The following EPHA2 variants were observed in gnomAD, a reference collection of about 807,000 sequenced individuals.
EPHA2 encodes the protein ephrin type-A receptor 2.
In EPHA2, 54 loss-of-function variants were observed where a neutral mutation model predicts 104.9. That is an observed-to-expected ratio of 0.51 (90% CI 0.41 to 0.65). The LOEUF is 0.65. EPHA2 is among the 30% of genes least tolerant of loss of function. EPHA2 has a pLI of 0.00. For synonymous variants in EPHA2, 560 were observed against 559.1 expected, an observed-to-expected ratio of 1.00 and a Z score of -0.02; for missense variants, 1,117 against 1,369.5, an observed-to-expected ratio of 0.82 and a Z score of 2.91.
At chr1:16,143,621 T>A (rs1365253349) in intron 3 of EPHA2, among the ~76,000 whole-genome samples, 1 of 152,026 alleles carries the variant, frequency 6.6e-6, no homozygotes, top group Non-Finnish European at 1.5e-5. Context: ...GTGACGCAAG[T>A]CCAGCCCCCA....
intron 16 of EPHA2, among the ~76,000 whole-genome samples, chr1:16,127,291 A>G (rs994450193): frequency 2.0e-5 from 3 of 152,120 alleles, no homozygotes; most frequent in Non-Finnish European, 4.4e-5. Context: ...CAGGATGCAA[A>G]TGCTGTAGTC....
chr1:16,133,511 A>AGGAT lies in EPHA2; in HGVS notation c.1830_1833dup (p.Cys612IlefsTer83), dbSNP rs773731561. On this transcript the variant is annotated frameshift_variant, in exon 10 of 17. Transcript: ENST00000358432. LOFTEE classifies it high-confidence loss of function. ...CCGATCACCTTCTGCCGAGTGACAC[A>AGGAT]GGATGGATGGATCTCGGTAGTGAAC... 2 of 1,614,112 alleles carry AGGAT rather than the reference A, an allele frequency of 1.2e-6. No homozygotes were observed. Among genetic ancestry groups the AGGAT allele is most frequent in the Non-Finnish European group, 1.7e-6 (2 of 1,179,982 alleles).
In EPHA2 at chr1:16,126,740, C is replaced by T. The variant is rs142249588; in HGVS notation, c.2826-1420G>A. On this transcript the variant is annotated intron_variant, in intron 16 of 16. Transcript: ENST00000358432. ...CCCAGATTCACTCGATTTGCAGTTC[C>T]GCAGGTGGGGCAAGGAGTCTGCATT... Among the ~76,000 whole-genome samples the T allele has an allele frequency of 4.9e-3, 751 of 152,264 alleles. 3 individuals carry two copies. The highest frequency in any genetic ancestry group is 7.0e-3 in the Non-Finnish European group (475 of 68,020).
intron 1 of EPHA2, 189 bp downstream of exon 1, chr1:16,155,659 C>T (rs1049616555): frequency 6.7e-6 from 3 of 451,080 alleles, no homozygotes; most frequent in Non-Finnish European, 1.1e-5. Context: ...CGCTTATTCT[C>T]CGGAGCCCCT....
chr1:16,130,359 T>C lies in EPHA2; in HGVS notation c.2536A>G (p.Ile846Val). The change falls in exon 15 of 17, where the codon ATC becomes GTC. Residue 846 changes from isoleucine to valine, a missense_variant. This residue lies in a region of EPHA2 where 340 missense variants were observed against 480.5 expected (regional missense o/e 0.71). Transcript: ENST00000358432. This position sits in a 1 kb window ranked among gnomAD's most constrained non-coding sequence, Gnocchi z 4.5. ...LPTPMDCPSA[I>V]YQLMMQCWQQ... is the part of the protein sequence containing the mutation. ...CAGCACTGCATCATGAGCTGGTAGA[T>C]GGCGGAGGGGCAGTCCATGGGTGTG... 8 of 1,582,716 alleles carry C rather than the reference T, an allele frequency of 5.1e-6. No individual in the cohort carries two copies. The highest frequency in any genetic ancestry group is 1.7e-5 in the Admixed American group (1 of 58,290).
chr1:16,149,243 C>A (rs557269054), intron 2 of EPHA2, among the ~76,000 whole-genome samples, 196 bp from the exon 3 acceptor site: 1 of 152,248 alleles, frequency 6.6e-6, no homozygotes, highest in East Asian at 1.9e-4. Context: ...GTCTTTCTGG[C>A]ACATGTCTGG....
chr1:16,125,577 T>TC lies in EPHA2; in HGVS notation c.2826-258dup, dbSNP rs1214462183. ...TTAGGAAAACGACAGAAGCCTCAAC[T>TC]CTGTACGATGCTTTAAAAAAATAAA... On this transcript the variant is annotated intron_variant, in intron 16 of 16. Coordinates refer to ENST00000358432, the MANE Select transcript of EPHA2 (RefSeq NM_004431.5). The surrounding 1 kb of genome is among the most constrained non-coding windows in gnomAD (Gnocchi z 4.9). Among the ~76,000 whole-genome samples, 1 of 152,076 alleles carries TC rather than the reference T, an allele frequency of 6.6e-6. No individual in the cohort carries two copies. The highest frequency in any genetic ancestry group is 1.5e-5 in the Non-Finnish European group (1 of 68,008).
chr1:16,151,533 T>C (rs1231289435), intron 1 of EPHA2, among the ~76,000 whole-genome samples: 1 of 151,758 alleles, frequency 6.6e-6, no homozygotes. Context: ...AAGAAGAGAG[T>C]GCTGTGAACA....
intron 16 of EPHA2, 22 bp downstream of exon 16, chr1:16,129,412 G>C (rs1339600015): frequency 1.9e-6 from 3 of 1,609,192 alleles, no homozygotes; most frequent in East Asian, 4.5e-5. Flanking sequence ...GGCGAGGGGG[G>C]ACGGAAAGGG....
chr1:16,138,452 G>C (rs767105253), intron 3 of EPHA2, 22 bp from the exon 4 acceptor site: 1 of 1,613,166 alleles, frequency 6.2e-7, no homozygotes, highest in South Asian at 1.1e-5. Context: ...AGGACAGACA[G>C]AGCACAAGGA....
rs2124226866 is a variant in EPHA2 at position 16,138,058 on chromosome 1, G to A, written c.1107C>T (p.Cys369=). The A allele has an allele frequency of 6.2e-7, 1 of 1,612,906 alleles. No homozygotes were observed. The highest frequency in any genetic ancestry group is 1.7e-5 in the Admixed American group (1 of 60,014). Reference sequence around the variant, plus strand: ...GCCCGCATTCCCCAGACTCGGGCCAGCACTGTTCGCAGGTGACGCTGTAGA... The same window carrying A: ...GCCCGCATTCCCCAGACTCGGGCCAACACTGTTCGCAGGTGACGCTGTAGA... ...DIVYSVTCEQ[C]WPESGECGPC... Residue 369 remains cysteine (C), a synonymous_variant, in exon 5 of 17, where the codon TGC becomes TGT. Transcript: ENST00000358432.
chr1:16,151,003 C>T (rs1023393451), intron 1 of EPHA2, 40 bp from the exon 2 acceptor site: 2 of 1,605,836 alleles, frequency 1.2e-6, no homozygotes, highest in African/African-American at 2.7e-5. Context: ...CTGGGGGTGT[C>T]TTCAGGAGTC....
chr1:16,144,146 G>C (rs891342209), intron 3 of EPHA2, among the ~76,000 whole-genome samples: 1 of 152,118 alleles, frequency 6.6e-6, no homozygotes, highest in Non-Finnish European at 1.5e-5. Flanking sequence ...AGGAGGGAGA[G>C]AGGGAGGGAG....
chr1:16,143,435 G>A (rs1170290863), intron 3 of EPHA2, among the ~76,000 whole-genome samples: 5 of 151,666 alleles, frequency 3.3e-5, no homozygotes, highest in African/African-American at 9.8e-5. Flanking sequence ...TGGCACACCT[G>A]TGGCACACCT....
intron 3 of EPHA2, among the ~76,000 whole-genome samples, chr1:16,147,512 T>A (rs1338868717): frequency 6.6e-6 from 1 of 151,986 alleles, no homozygotes; most frequent in Non-Finnish European, 1.5e-5. Flanking sequence ...AGTGAGCTGA[T>A]AACAGACATG....
In EPHA2 at chr1:16,133,905, G is replaced by C; in HGVS notation, c.1693C>G (p.Gln565Glu). The change falls in exon 9 of 17, where the codon CAG becomes GAG. Residue 565 changes from glutamine to glutamate, a missense_variant. Transcript: ENST00000358432. Reference sequence around the variant, plus strand: ...TCCTCCGGGGACTGGCGGGCACGCTGGTTCTTCCTCCTGAAAGAGCCCCAC... The same window carrying C: ...TCCTCCGGGGACTGGCGGGCACGCTCGTTCTTCCTCCTGAAAGAGCCCCAC... ...GFFIHRRRKN[Q>E]RARQSPEDVY... 1 of 1,550,768 alleles carries C rather than the reference G, an allele frequency of 6.4e-7. No homozygotes were observed. Among genetic ancestry groups the C allele is most frequent in the Non-Finnish European group, 8.7e-7 (1 of 1,146,532 alleles).
chr1:16,149,984 G>A (rs1310016011), intron 2 of EPHA2, among the ~76,000 whole-genome samples: 4 of 152,198 alleles, frequency 2.6e-5, no homozygotes, highest in African/African-American at 4.8e-5. Context: ...GGCCCTACAT[G>A]CCCTTGGGCC....
At chr1:16,152,278 A>G (rs2025054318) in intron 1 of EPHA2, among the ~76,000 whole-genome samples, 1 of 152,118 alleles carries the variant, frequency 6.6e-6, no homozygotes, top group Admixed American at 6.5e-5. Context: ...GTTTGTGGAG[A>G]TGGGAGCTGG....
chr1:16,138,384 G>A lies in EPHA2; in HGVS notation c.870C>T (p.Cys290=), dbSNP rs1311572562. 6.2e-7 allele frequency: 1 copy of A among 1,613,778 alleles called. No homozygotes were observed. The highest frequency in any genetic ancestry group is 8.5e-7 in the Non-Finnish European group (1 of 1,180,018). The change falls in exon 4 of 17, where the codon TGC becomes TGT. Residue 290 remains cysteine (C), a synonymous_variant. Transcript: ENST00000358432. ...GCAGCGTGTGCTCAGGGCACTCCAA[G>A]CAGGGGCTCTCAGATGCCTCAAACT... The part of the protein sequence containing the change: ...FFKFEASESP[C]LECPEHTLPS...
Sources: gnomAD v4.1 joint callset for allele counts (sites outside exome capture counted in the v4.1 genomes callset) on GRCh38, gnomAD v4.1.1 for gene constraint, gnomAD v4.1.1 regional missense constraint, Gnocchi (gnomAD v3.1) non-coding constraint, MANE v1.5 for transcripts, NCBI Gene and HGNC (gene_info 2026-07-23, HGNC 2026-07-21) for gene names.